Variants in TMCC1 observed in about 807,000 individuals in gnomAD.
TMCC1 encodes transmembrane and coiled-coil domain family 1.
A neutral mutation model predicts 52.4 loss-of-function variants in TMCC1; 15 were observed. The observed-to-expected ratio is 0.29, with a 90% CI of 0.19 to 0.44. TMCC1 has a LOEUF of 0.44. Among genes scored for constraint, TMCC1 ranks in the 20% least tolerant of loss-of-function variants. The probability of loss-of-function intolerance (pLI) is 1.00; values close to 1 mark genes in which losing one functional copy is unlikely to be tolerated. For synonymous variants in TMCC1, 279 were observed against 301.9 expected (o/e 0.92, Z 0.79); for missense variants, 503 against 806.0 (o/e 0.62, Z 4.55).
At chr3:129,883,144 C>G (rs1406944437) in intron 1 of TMCC1, among the ~76,000 whole-genome samples, 2 of 151,744 alleles carry the variant, frequency 1.3e-5, no homozygotes, top group Non-Finnish European at 2.9e-5. Flanking sequence ...CACACACACA[C>G]ACACACACAC....
At chr3:129,683,678 C>T (rs1328268866) in intron 4 of TMCC1, among the ~76,000 whole-genome samples, 3 of 152,138 alleles carry the variant, frequency 2.0e-5, no homozygotes, top group East Asian at 3.8e-4. Context: ...GTATACCTAT[C>T]ACCTGAATAG....
chr3:129,711,337 T>C (rs549451111), intron 4 of TMCC1, among the ~76,000 whole-genome samples: 2 of 152,322 alleles, frequency 1.3e-5, no homozygotes, highest in Non-Finnish European at 2.9e-5. Flanking sequence ...CATTTAAAAG[T>C]ATACATATAC....
At chr3:129,830,273 G>T (rs966691202) in intron 3 of TMCC1, among the ~76,000 whole-genome samples, 9 of 152,240 alleles carry the variant, frequency 5.9e-5, no homozygotes, top group African/African-American at 2.2e-4. Flanking sequence ...TTGGCCTCTG[G>T]TGTGGTTTTC....
rs375163217 is a variant in TMCC1 at position 129,680,275 on chromosome 3, G to A, written c.577-9011C>T. Among the ~76,000 whole-genome samples, 14 of 152,256 alleles carry A rather than the reference G, an allele frequency of 9.2e-5. No homozygotes were observed. The East Asian group carries it at 1.9e-3, about 21-fold the overall frequency. ...CTCAATCTGGTTTATGTGTAAATACGAAGATGATAGTAGCAAAGGTAATAG... is the reference window on the plus strand; with the variant it reads ...CTCAATCTGGTTTATGTGTAAATACAAAGATGATAGTAGCAAAGGTAATAG... On this transcript the variant is annotated intron_variant, in intron 4 of 6. Transcript: ENST00000393238.
intron 2 of TMCC1, among the ~76,000 whole-genome samples, chr3:129,850,580 AAC>A (rs1301786953): frequency 1.3e-5 from 2 of 152,198 alleles, no homozygotes; most frequent in Non-Finnish European, 2.9e-5. Context: ...CAAGCTATAC[AAC>A]AGTTTTCCAA....
chr3:129,698,056 C>T (rs1373228051), intron 4 of TMCC1, among the ~76,000 whole-genome samples: 2 of 152,160 alleles, frequency 1.3e-5, no homozygotes, highest in African/African-American at 2.4e-5. Context: ...ACTGCTTCCA[C>T]ATTTTTGGGT....
intron 1 of TMCC1, among the ~76,000 whole-genome samples, chr3:129,883,811 G>C (rs937515383): frequency 9.9e-5 from 15 of 151,424 alleles, no homozygotes; most frequent in African/African-American, 3.6e-4. Flanking sequence ...TCACCAACAT[G>C]GTGAAACAAG....
chr3:129,844,179 C>T (rs1350006594), intron 2 of TMCC1, among the ~76,000 whole-genome samples: 2 of 152,050 alleles, frequency 1.3e-5, no homozygotes, highest in Admixed American at 1.3e-4. Context: ...TATCTATTTA[C>T]GATAAATACT....
chr3:129,834,495 G>A (rs1046327150), intron 2 of TMCC1, among the ~76,000 whole-genome samples: 2 of 152,082 alleles, frequency 1.3e-5, no homozygotes, highest in African/African-American at 4.8e-5. Flanking sequence ...AAACCTAAAG[G>A]CCAAAACAGG....
chr3:129,656,075 A>C (rs1054853492), intron 5 of TMCC1, among the ~76,000 whole-genome samples: 3 of 152,250 alleles, frequency 2.0e-5, no homozygotes, highest in Admixed American at 6.5e-5. Context: ...CCCAAAGAAG[A>C]CTACTGAGCA....
At chr3:129,756,799 T>A (rs2053053680) in intron 4 of TMCC1, among the ~76,000 whole-genome samples, 1 of 152,194 alleles carries the variant, frequency 6.6e-6, no homozygotes, top group Non-Finnish European at 1.5e-5. Flanking sequence ...ATGGCAAAAC[T>A]ATAGTGATGG....
intron 4 of TMCC1, among the ~76,000 whole-genome samples, chr3:129,706,485 T>C (rs1576519190): frequency 1.3e-5 from 2 of 152,092 alleles, no homozygotes; most frequent in African/African-American, 4.8e-5. Context: ...GGATTACAGG[T>C]GTGAGCCACT....
intron 2 of TMCC1, among the ~76,000 whole-genome samples, chr3:129,877,959 A>AT (rs2107985223): frequency 7.6e-6 from 1 of 131,250 alleles, no homozygotes; most frequent in South Asian, 2.4e-4. Context: ...TTTTATTTTT[A>AT]TTTTTATTTT....
In TMCC1 at chr3:129,650,201, A is replaced by G. The variant is rs931581495; in HGVS notation, c.*1280T>C. 6.6e-6 allele frequency: 1 copy of G among 151,788 alleles called. No homozygotes were observed. Among genetic ancestry groups the G allele is most frequent in the African/African-American group, 2.4e-5 (1 of 41,128 alleles). The allele number at this position is 151,788 out of a possible 1,614,324, so 9.4% of individuals were successfully genotyped here. On this transcript the variant is annotated 3_prime_UTR_variant, in exon 7 of 7. Coordinates refer to ENST00000393238, the MANE Select transcript of TMCC1 (RefSeq NM_001017395.5). ...ATAAATTAAGGAAACACAAGGACTT[A>G]TTTATGACTCTTATAGTCTCAACTT...
intron 4 of TMCC1, among the ~76,000 whole-genome samples, chr3:129,767,784 A>C (rs1337062955): frequency 6.6e-6 from 1 of 152,180 alleles, no homozygotes; most frequent in African/African-American, 2.4e-5. Context: ...TCTTTCACTT[A>C]TGTTTTTAAA....
At chr3:129,873,872 G>C (rs1372521281) in intron 2 of TMCC1, among the ~76,000 whole-genome samples, 1 of 152,030 alleles carries the variant, frequency 6.6e-6, no homozygotes, top group African/African-American at 2.4e-5. Flanking sequence ...GCATTTCTTT[G>C]AGTGTTATGT....
At chr3:129,847,476 T>C (rs759304743) in intron 2 of TMCC1, 22 of 152,356 alleles carry the variant, frequency 1.4e-4, no homozygotes, top group East Asian at 9.6e-4. Flanking sequence ...CCGAATTATT[T>C]TGAGGTCCAT....
chr3:129,760,579 G>C (rs988296518), intron 4 of TMCC1, among the ~76,000 whole-genome samples: 1 of 151,848 alleles, frequency 6.6e-6, no homozygotes, highest in African/African-American at 2.4e-5. Context: ...CCGGGTTCAC[G>C]CCATTCTCCT....
intron 4 of TMCC1, among the ~76,000 whole-genome samples, chr3:129,789,236 C>T (rs2056275316): frequency 6.6e-6 from 1 of 152,148 alleles, no homozygotes; most frequent in Non-Finnish European, 1.5e-5. Context: ...CTTTTAAAAA[C>T]TGTAGTAAAA....
Sources: allele counts gnomAD v4.1 joint callset (sites outside exome capture counted in the v4.1 genomes callset), GRCh38; gene constraint gnomAD v4.1.1; transcripts MANE v1.5; gene names NCBI Gene and HGNC (gene_info 2026-07-23, HGNC 2026-07-21).